Variants in NRXN1 observed in about 807,000 individuals in gnomAD.
NRXN1 encodes the protein neurexin-1.
In NRXN1, 39 loss-of-function variants were observed where a neutral mutation model predicts 150.9. That is an observed-to-expected ratio of 0.26 (90% confidence interval 0.20 to 0.34). The LOEUF (loss-of-function observed/expected upper bound fraction) is 0.34, where lower values mean the gene tolerates loss of function less well. NRXN1 is among the 10% of genes least tolerant of loss of function. The pLI, the probability that NRXN1 is intolerant of heterozygous loss-of-function variation, is 1.00. For missense variants in NRXN1, 1,815 were observed against 1,949.9 expected (o/e 0.93, Z 1.30); for synonymous variants, 924 against 757.0 (o/e 1.22, Z -3.62).
intron 14 of NRXN1, among the ~76,000 whole-genome samples, chr2:50,496,359 G>A (rs72831016): frequency 2.6e-5 from 4 of 152,220 alleles, no homozygotes; most frequent in Non-Finnish European, 4.4e-5. Context: ...TATGAATTTG[G>A]AAAGCAATAT....
chr2:50,077,528 G>A (rs985677488), intron 19 of NRXN1, among the ~76,000 whole-genome samples: 7 of 152,068 alleles, frequency 4.6e-5, no homozygotes, highest in African/African-American at 7.2e-5. Context: ...ATGCACTCTC[G>A]TCCAAGTCCT....
intron 18 of NRXN1, among the ~76,000 whole-genome samples, chr2:50,220,008 A>C (rs28411925): frequency 2.8e-5 from 1 of 35,240 alleles, no homozygotes; most frequent in Non-Finnish European, 5.1e-5. Context: ...ATATTATATA[A>C]TATATTATAT....
At chr2:50,883,120 AC>A (rs1369813067) in intron 5 of NRXN1, among the ~76,000 whole-genome samples, 4 of 151,854 alleles carry the variant, frequency 2.6e-5, no homozygotes, top group Non-Finnish European at 2.9e-5. Flanking sequence ...AGATAAACTA[AC>A]TGCTCTCTCT....
intron 3 of NRXN1, among the ~76,000 whole-genome samples, chr2:50,923,759 T>C (rs192226475): frequency 9.7e-4 from 148 of 152,012 alleles, no homozygotes; most frequent in Middle Eastern, 3.4e-3. Flanking sequence ...ATTTCAGATA[T>C]ATTTGAAACT....
intron 19 of NRXN1, among the ~76,000 whole-genome samples, chr2:50,083,026 T>A (rs1698191163): frequency 6.6e-6 from 1 of 152,218 alleles, no homozygotes. Flanking sequence ...AGGGCCTGTT[T>A]GGGTTTCACT....
chr2:50,564,457 C>G (rs1029434306), intron 8 of NRXN1, among the ~76,000 whole-genome samples: 5 of 152,128 alleles, frequency 3.3e-5, no homozygotes, highest in Non-Finnish European at 7.4e-5. Flanking sequence ...GTAATTTTAT[C>G]TCATCTCTCT....
intron 21 of NRXN1, among the ~76,000 whole-genome samples, chr2:49,992,348 G>T (rs1432524440): frequency 6.6e-6 from 1 of 151,194 alleles, no homozygotes. Context: ...GACCATCCTG[G>T]ACAACATGGT....
At chr2:50,875,454 T>C (rs751012259) in intron 5 of NRXN1, among the ~76,000 whole-genome samples, 15 of 151,710 alleles carry the variant, frequency 9.9e-5, no homozygotes, top group Non-Finnish European at 1.5e-4. Flanking sequence ...TAGCAATTAT[T>C]ATTATTATTA....
At chr2:50,955,917 TC>T (rs2104637456) in intron 2 of NRXN1, among the ~76,000 whole-genome samples, 2 of 152,306 alleles carry the variant, frequency 1.3e-5, no homozygotes, top group South Asian at 4.1e-4. Context: ...CAGTCCGTTT[TC>T]CCAGAGTCTG....
intron 17 of NRXN1, among the ~76,000 whole-genome samples, chr2:50,270,153 A>G (rs112992847): frequency 1.5e-3 from 227 of 152,210 alleles, no homozygotes; most frequent in African/African-American, 5.2e-3. Flanking sequence ...TCCCAGATGC[A>G]TTATATAGAT....
intron 17 of NRXN1, among the ~76,000 whole-genome samples, chr2:50,392,303 T>G (rs965323044): frequency 3.3e-5 from 5 of 152,150 alleles, no homozygotes; most frequent in Non-Finnish European, 7.4e-5. Flanking sequence ...AGCGACCTCC[T>G]TTGTTATTAT....
At chr2:50,165,651 C>G (rs1263890055) in intron 18 of NRXN1, among the ~76,000 whole-genome samples, 3 of 152,158 alleles carry the variant, frequency 2.0e-5, no homozygotes, top group African/African-American at 4.8e-5. Context: ...CCGCGCCCAG[C>G]CAGCACTGTC....
At chr2:50,834,494 G>C (rs1056512812) in intron 5 of NRXN1, among the ~76,000 whole-genome samples, 2 of 151,958 alleles carry the variant, frequency 1.3e-5, no homozygotes, top group Non-Finnish European at 2.9e-5. Flanking sequence ...TTTTAACTAA[G>C]GTGACTTTTT....
chr2:50,262,356 T>C (rs1426871517), intron 17 of NRXN1, among the ~76,000 whole-genome samples: 1 of 151,904 alleles, frequency 6.6e-6, no homozygotes, highest in Non-Finnish European at 1.5e-5. Context: ...ATGGCTGTTC[T>C]AGCAACTCCA....
chr2:50,994,925 C>T (rs1399983905), intron 2 of NRXN1, among the ~76,000 whole-genome samples: 2 of 151,880 alleles, frequency 1.3e-5, no homozygotes, highest in Admixed American at 6.6e-5. Flanking sequence ...ATTTTCTTCA[C>T]AATTCATTCT....
chr2:50,416,942 A>G (rs1358947911), intron 17 of NRXN1: 2 of 152,252 alleles, frequency 1.3e-5, no homozygotes, highest in African/African-American at 2.4e-5. Context: ...CTTTTTCAGA[A>G]AGTTATATTT....
chr2:50,027,332 C>G (rs891893520), intron 21 of NRXN1, among the ~76,000 whole-genome samples: 1 of 149,866 alleles, frequency 6.7e-6, no homozygotes, highest in African/African-American at 2.5e-5. Flanking sequence ...TTTTCCCTTT[C>G]CTTCCTTTGT....
chr2:50,937,857 T>C (rs925651763), intron 2 of NRXN1, among the ~76,000 whole-genome samples: 2 of 152,112 alleles, frequency 1.3e-5, no homozygotes, highest in African/African-American at 2.4e-5. Context: ...AGAAATGCAT[T>C]GTTAGGTGAT....
chr2:50,474,994 T>C (rs1207511691), intron 15 of NRXN1, among the ~76,000 whole-genome samples: 5 of 151,872 alleles, frequency 3.3e-5, no homozygotes, highest in Non-Finnish European at 7.4e-5. Flanking sequence ...TATAGAAAAA[T>C]AGAAAAGTTA....
Sources: gnomAD v4.1 joint callset for allele counts (sites outside exome capture counted in the v4.1 genomes callset) on GRCh38, gnomAD v4.1.1 for gene constraint, MANE v1.5 for transcripts, NCBI Gene and HGNC (gene_info 2026-07-23, HGNC 2026-07-21) for gene names.